The following PRKACA variants were observed in gnomAD, a reference collection of about 807,000 sequenced individuals.
The protein encoded by PRKACA is cAMP-dependent protein kinase catalytic subunit alpha.
PRKACA carries 9 observed loss-of-function variants against 45.8 expected under a neutral mutation model. The ratio of observed to expected loss-of-function variants is 0.20; its 90% CI spans 0.12 to 0.34. The LOEUF (loss-of-function observed/expected upper bound fraction) is 0.34. PRKACA is among the 10% of genes least tolerant of loss of function. The pLI is 1.00. For missense variants in PRKACA, 238 were observed against 458.6 expected, an observed-to-expected ratio of 0.52 and a Z score of 4.39; for synonymous variants, 160 against 178.6, an observed-to-expected ratio of 0.90 and a Z score of 0.83.
intron 1 of PRKACA, among the ~76,000 whole-genome samples, chr19:14,110,571 CA>C (rs997801992): frequency 2.9e-3 from 415 of 145,180 alleles, no homozygotes; most frequent in African/African-American, 9.3e-3. Flanking sequence ...GGCCCTGTCT[CA>C]AAAAAAAAAG....
chr19:14,113,390 C>T (rs575426181), intron 1 of PRKACA, among the ~76,000 whole-genome samples: 1 of 152,278 alleles, frequency 6.6e-6, no homozygotes, highest in Admixed American at 6.5e-5. Flanking sequence ...CCGCCCTGCC[C>T]ACATCTCCCA....
intron 1 of PRKACA, 145 bp from the exon 2 acceptor site, chr19:14,107,554 G>A: frequency 1.5e-6 from 2 of 1,304,156 alleles, no homozygotes; most frequent in African/African-American, 3.0e-5. Flanking sequence ...TGGGGCCTTG[G>A]CTGGGCCGTG....
intron 1 of PRKACA, among the ~76,000 whole-genome samples, chr19:14,110,637 C>T (rs957166163): frequency 2.0e-5 from 3 of 152,130 alleles, no homozygotes; most frequent in African/African-American, 4.8e-5. Flanking sequence ...GTGCTCAAAT[C>T]TTAAATGCGC....
At chr19:14,109,993 TATATATACACACACAC>T (rs985341731) in intron 1 of PRKACA, among the ~76,000 whole-genome samples, 1 of 78,920 alleles carries the variant, frequency 1.3e-5, no homozygotes. Flanking sequence ...TATATATATA[TATATATACACACACAC>T]ACACACACAC....
In PRKACA at chr19:14,093,041, AACCCTCC is replaced by A; in HGVS notation, c.*64_*70del. ...CTGGGGCCCTCTGGCTGTTCAATCC[AACCCTCC>A]CACCCCCCCGACCAAAAAAAAGAAA... On this transcript the variant is annotated 3_prime_UTR_variant, in exon 10 of 10. Transcript: ENST00000308677. 4.0e-6 allele frequency: 2 copies of A among 500,028 alleles called. No individual in the cohort carries two copies. Among genetic ancestry groups the A allele is most frequent in the Non-Finnish European group, 7.2e-6 (2 of 278,314 alleles). The allele number at this position is 500,028 out of a possible 1,614,324, so 31.0% of individuals were successfully genotyped here. A position where few individuals can be genotyped will look rare whatever the true frequency, so the allele number is the denominator to read the frequency against.
intron 9 of PRKACA, among the ~76,000 whole-genome samples, 178 bp downstream of exon 9, chr19:14,093,450 C>G (rs1028982054): frequency 6.6e-5 from 10 of 152,180 alleles, no homozygotes; most frequent in African/African-American, 2.4e-4. Context: ...ATCTGTTGCA[C>G]AAGGTCATGG....
intron 1 of PRKACA, chr19:14,112,187 TG>T (rs377580291): frequency 2.1e-4 from 26 of 122,892 alleles, no homozygotes; most frequent in African/African-American, 6.8e-4. Context: ...AGAGGGATGA[TG>T]GGGGGGAGGG....
At chr19:14,103,051 G>C (rs968663860) in intron 3 of PRKACA, 137 bp from the exon 4 acceptor site, 1 of 716,406 alleles carries the variant, frequency 1.4e-6, no homozygotes, top group Middle Eastern at 2.8e-4. Context: ...GTGGCCTGTC[G>C]GGCCCTTAGC....
At chr19:14,109,566 C>T (rs938813812) in intron 1 of PRKACA, among the ~76,000 whole-genome samples, 1 of 150,092 alleles carries the variant, frequency 6.7e-6, no homozygotes, top group Non-Finnish European at 1.5e-5. Context: ...TGCAGTGAGC[C>T]GAGATTGCAC....
Position 14,102,929 on chromosome 19 carries a change from A to T in PRKACA, c.238-15T>A, listed in dbSNP as rs1277144283. On this transcript the variant is annotated splice_polypyrimidine_tract_variant and intron_variant, in intron 3 of 9. Transcript: ENST00000308677. Reference sequence around the variant, plus strand: ...AGTTTCACCACCTGGGAAGGGAAGGAGGGGAGGGCAGAAAGGAGGGGGAGG... The same window carrying T: ...AGTTTCACCACCTGGGAAGGGAAGGTGGGGAGGGCAGAAAGGAGGGGGAGG... 6.3e-7 allele frequency: 1 copy of T among 1,590,898 alleles called. No homozygotes were observed. Among genetic ancestry groups the T allele is most frequent in the Non-Finnish European group, 8.6e-7 (1 of 1,158,942 alleles).
At chr19:14,111,973 C>T (rs1341830083) in intron 1 of PRKACA, among the ~76,000 whole-genome samples, 2 of 152,188 alleles carry the variant, frequency 1.3e-5, no homozygotes, top group African/African-American at 4.8e-5. Context: ...CTCCCCGACT[C>T]GCTGAGCTCC....
chr19:14,100,638 G>A (rs977811471), intron 5 of PRKACA, among the ~76,000 whole-genome samples, 188 bp downstream of exon 5: 1 of 152,192 alleles, frequency 6.6e-6, no homozygotes, highest in Non-Finnish European at 1.5e-5. Context: ...TGTTTGCTCT[G>A]TTTTGTTTTG....
Position 14,096,789 on chromosome 19 carries a change from G to T in PRKACA, c.765+572C>A, listed in dbSNP as rs371417733. ...TGTTTCCTCACCTCTCCTACAGAGG[G>T]TGCCACTATCTCAGGGTGTGACTGA... On this transcript the variant is annotated intron_variant, in intron 8 of 9. Transcript: ENST00000308677. The T allele has an allele frequency of 4.2e-5, 8 of 190,030 alleles. No individual in the cohort carries two copies. In the East Asian group the frequency reaches 6.5e-4, roughly 15 times the overall value. The allele number at this position is 190,030 out of a possible 1,614,324, so 11.8% of individuals were successfully genotyped here.
In PRKACA at chr19:14,093,088, A is replaced by AAC; in HGVS notation, c.*23_*24insGT. ...AAAAAAAGAAAAAAGAAAAAAGAAA[A>AAC]CCCATGGGGGCACAGGCATGCCCCT... On this transcript the variant is annotated 3_prime_UTR_variant, in exon 10 of 10. Transcript: ENST00000308677. 1 of 1,511,076 alleles carries AAC rather than the reference A, an allele frequency of 6.6e-7. No individual in the cohort carries two copies. 93.6% of individuals were successfully genotyped at this position (1,511,076 alleles called of 1,614,324 possible). A position where few individuals can be genotyped will look rare whatever the true frequency, so the allele number is the denominator to read the frequency against.
At chr19:14,104,578 C>T (rs2144466199) in intron 3 of PRKACA, among the ~76,000 whole-genome samples, 1 of 151,482 alleles carries the variant, frequency 6.6e-6, no homozygotes, top group East Asian at 1.9e-4. Flanking sequence ...CGCCTGTAGT[C>T]CCAGCTACTC....
rs775907577 is a variant in PRKACA at position 14,097,689 on chromosome 19, A to ACAGG, written c.547-19_547-16dup. ...AAGTCTGTCACCTGTGGGCACAAGA[A>ACAGG]CAGGCAGTTGGCAGGGAGGAAGGGT... On this transcript the variant is annotated splice_polypyrimidine_tract_variant and intron_variant, in intron 6 of 9. Transcript: ENST00000308677. The surrounding 1 kb of genome is among the most constrained non-coding windows in gnomAD (Gnocchi z 5.4). The ACAGG allele has an allele frequency of 6.2e-7, 1 of 1,611,252 alleles. No homozygotes were observed. Among genetic ancestry groups the ACAGG allele is most frequent in the African/African-American group, 1.3e-5 (1 of 74,864 alleles).
intron 1 of PRKACA, among the ~76,000 whole-genome samples, chr19:14,108,667 C>A (rs1340134408): frequency 1.3e-5 from 2 of 152,094 alleles, no homozygotes; most frequent in African/African-American, 4.8e-5. Flanking sequence ...GCCTCGGCCT[C>A]CCAAAGTGCT....
intron 1 of PRKACA, among the ~76,000 whole-genome samples, chr19:14,109,997 T>TATATATACACACACACACACAC (rs1966918991): frequency 1.4e-5 from 1 of 71,742 alleles, no homozygotes; most frequent in African/African-American, 7.6e-5. Flanking sequence ...TATATATATA[T>TATATATACACACACACACACAC]ATACACACAC....
At position 14,097,317 on chromosome 19, in the gene PRKACA, C is replaced by G. The variant is rs368244619; in HGVS notation, c.765+44G>C. 12 of 1,612,798 alleles carry G rather than the reference C, an allele frequency of 7.4e-6. No homozygotes were observed. The Admixed American group carries it at 1.2e-4, about 16-fold the overall frequency. On this transcript the variant is annotated intron_variant, in intron 8 of 9. Coordinates refer to ENST00000308677, the MANE Select transcript of PRKACA (RefSeq NM_002730.4). The surrounding 1 kb of genome is among the most constrained non-coding windows in gnomAD (Gnocchi z 5.4). ...GGGAATAGGATGGGTGAGCAGGGAA[C>G]GGTCTGTTTCTTCCAGGGCTGTGTC...
Sources: allele counts gnomAD v4.1 joint callset (sites outside exome capture counted in the v4.1 genomes callset), GRCh38; gene constraint gnomAD v4.1.1; non-coding constraint Gnocchi (gnomAD v3.1); transcripts MANE v1.5; gene names NCBI Gene and HGNC (gene_info 2026-07-23, HGNC 2026-07-21).